The following WDR26 variants were observed in gnomAD, a reference collection of about 807,000 sequenced individuals.
WDR26 encodes WD repeat domain 26.
A neutral mutation model predicts 84.1 loss-of-function variants in WDR26; 5 were observed. That is an observed-to-expected ratio of 0.06 (90% CI 0.03 to 0.13). The LOEUF (loss-of-function observed/expected upper bound fraction) is 0.13, where lower values mean the gene tolerates loss of function less well. Ranked by LOEUF, WDR26 falls within the 10% of genes least tolerant of loss-of-function variation. WDR26 has a pLI of 1.00. For synonymous variants in WDR26, 415 were observed against 389.6 expected (o/e 1.07, Z -0.77); for missense variants, 642 against 974.9 (o/e 0.66, Z 4.55).
chr1:224,413,651 A>C (rs1291111596), intron 6 of WDR26, among the ~76,000 whole-genome samples: 1 of 152,182 alleles, frequency 6.6e-6, no homozygotes, highest in Non-Finnish European at 1.5e-5. Context: ...TAAAACTGAT[A>C]AGTAATTGTA....
chr1:224,407,452 C>G (rs1673613748), intron 7 of WDR26, among the ~76,000 whole-genome samples: 1 of 148,092 alleles, frequency 6.8e-6, no homozygotes. Flanking sequence ...ACTTTTTTCT[C>G]TCCATTAAAA....
chr1:224,421,457 G>A (rs1674059441), intron 4 of WDR26, among the ~76,000 whole-genome samples: 2 of 152,132 alleles, frequency 1.3e-5, no homozygotes, highest in Non-Finnish European at 2.9e-5. Flanking sequence ...GGGCGTGGTG[G>A]TGCATGCCTG....
chr1:224,417,465 G>A (rs1246819949), intron 6 of WDR26, among the ~76,000 whole-genome samples: 1 of 152,228 alleles, frequency 6.6e-6, no homozygotes, highest in African/African-American at 2.4e-5. Context: ...AGTGCTTTGG[G>A]AGGCCAAGGC....
chr1:224,402,729 C>G (rs1673451411), intron 8 of WDR26, among the ~76,000 whole-genome samples: 1 of 152,168 alleles, frequency 6.6e-6, no homozygotes, highest in Non-Finnish European at 1.5e-5. Flanking sequence ...CTAGGTCAGA[C>G]TCACTGCAAG....
chr1:224,396,890 A>G (rs1374005636), intron 12 of WDR26, among the ~76,000 whole-genome samples: 2 of 19,614 alleles, frequency 1.0e-4, no homozygotes, highest in Non-Finnish European at 2.0e-4. Flanking sequence ...ATTGCACTCA[A>G]AAAAAGAAAA....
chr1:224,410,694 C>CTTTTT (rs397983007), intron 7 of WDR26, among the ~76,000 whole-genome samples: 34 of 118,904 alleles, frequency 2.9e-4, no homozygotes, highest in African/African-American at 4.9e-4. Flanking sequence ...ATCTTTCTTT[C>CTTTTT]TTTTTTTTTT....
chr1:224,394,142 G>T, intron 12 of WDR26, 129 bp from the exon 13 acceptor site: 1 of 624,194 alleles, frequency 1.6e-6, no homozygotes, highest in Non-Finnish European at 2.4e-6. Flanking sequence ...ACCATGAATA[G>T]TTTAACATGT....
At position 224,431,585 on chromosome 1, in the gene WDR26, T is replaced by TA. The variant is rs1468123840; in HGVS notation, c.823-5dup. 1 of 1,612,498 alleles carries TA rather than the reference T, an allele frequency of 6.2e-7. No individual in the cohort carries two copies. Among genetic ancestry groups the TA allele is most frequent in the Middle Eastern group, 1.7e-4 (1 of 6,056 alleles). Reference sequence around the variant, plus strand: ...GTTCATTCAGGTCATTTTCTGCCTGTAAAAATTGGTATAAAAGAAAAACAG... The same window carrying TA: ...GTTCATTCAGGTCATTTTCTGCCTGTAAAAAATTGGTATAAAAGAAAAACAG... On this transcript the variant is annotated splice_region_variant and splice_polypyrimidine_tract_variant and intron_variant, in intron 2 of 13. Transcript: ENST00000414423.
chr1:224,434,165 G>C lies in WDR26; in HGVS notation c.241C>G (p.Pro81Ala), dbSNP rs545023241. 2 of 1,423,118 alleles carry C rather than the reference G, an allele frequency of 1.4e-6. No homozygotes were observed. Among genetic ancestry groups the C allele is most frequent in the Non-Finnish European group, 1.8e-6 (2 of 1,093,346 alleles). 88.2% of individuals were successfully genotyped at this position (1,423,118 alleles called of 1,614,324 possible). A position where few individuals can be genotyped will look rare whatever the true frequency, so the allele number is the denominator to read the frequency against. The change falls in exon 1 of 14, where the codon CCC (proline) becomes GCC (alanine). Residue 81 changes from proline to alanine, a missense_variant. Around this residue, in one of 2 missense-constraint regions of WDR26, gnomAD observed 291 missense variants for 302.1 expected, o/e 0.96. Coordinates refer to ENST00000414423, the MANE Select transcript of WDR26 (RefSeq NM_001379403.1). The stretch of plus-strand genomic sequence containing the variant: ...CGGTGGGGGACAGCAGCGGCGGCGG[G>C]AGGGGCAGCAGCCGGGGGAAGTCCC...
At chr1:224,411,105 T>G (rs1162255822) in intron 7 of WDR26, among the ~76,000 whole-genome samples, 1 of 152,214 alleles carries the variant, frequency 6.6e-6, no homozygotes, top group Non-Finnish European at 1.5e-5. Context: ...GTACTAGCTG[T>G]GAGAGTCAAA....
intron 12 of WDR26, among the ~76,000 whole-genome samples, chr1:224,395,268 T>G (rs1428364917): frequency 2.0e-5 from 3 of 152,190 alleles, no homozygotes; most frequent in Non-Finnish European, 4.4e-5. Context: ...TTTACTACTG[T>G]GACGAGATTA....
intron 12 of WDR26, among the ~76,000 whole-genome samples, chr1:224,394,711 G>A (rs1572157357): frequency 6.6e-6 from 1 of 152,008 alleles, no homozygotes; most frequent in Admixed American, 6.6e-5. Context: ...TAGCCACGAT[G>A]GTCTCCATCT....
chr1:224,398,875 C>G lies in WDR26; in HGVS notation c.1865+14G>C, dbSNP rs752322202. 3 of 1,612,588 alleles carry G rather than the reference C, an allele frequency of 1.9e-6. No homozygotes were observed. The highest frequency in any genetic ancestry group is 1.1e-5 in the South Asian group (1 of 90,834). ...TCAGGTAATTGTTGTTTAATGGAAA[C>G]AAAAAATAGTTACATGTTCCTATCT... On this transcript the variant is annotated intron_variant, in intron 10 of 13. Coordinates refer to ENST00000414423, the MANE Select transcript of WDR26 (RefSeq NM_001379403.1).
chr1:224,404,343 A>T, intron 8 of WDR26, 87 bp downstream of exon 8: 1 of 1,449,900 alleles, frequency 6.9e-7, no homozygotes, highest in Non-Finnish European at 9.2e-7. Context: ...GAATGGTTAT[A>T]TTATATAAAT....
rs373629373 is a variant in WDR26, at chr1:224,431,360, T to C, written c.927+117A>G. On this transcript the variant is annotated intron_variant, in intron 3 of 13. Coordinates refer to ENST00000414423, the MANE Select transcript of WDR26 (RefSeq NM_001379403.1). Reference sequence around the variant, plus strand: ...ATTATACTCATCCTAGTTTACAAATTATATGAAATTTAACTACTTTTAGGC... The same window carrying C: ...ATTATACTCATCCTAGTTTACAAATCATATGAAATTTAACTACTTTTAGGC... The C allele has an allele frequency of 1.2e-3, 981 of 813,338 alleles. 10 individuals carry two copies. The South Asian group carries it at 0.016, about 13-fold the overall frequency. 50.4% of individuals were successfully genotyped at this position (813,338 alleles called of 1,614,324 possible).
chr1:224,411,629 G>T, intron 6 of WDR26, 64 bp from the exon 7 acceptor site: 1 of 1,459,474 alleles, frequency 6.9e-7, no homozygotes, highest in Non-Finnish European at 9.1e-7. Context: ...AATAAAAAAG[G>T]TTAAATAACT....
chr1:224,409,922 T>C (rs1673687510), intron 7 of WDR26, among the ~76,000 whole-genome samples: 1 of 152,030 alleles, frequency 6.6e-6, no homozygotes, highest in South Asian at 2.1e-4. Context: ...TTTTTCTATT[T>C]TTCTCAACAC....
rs1174887786 is a variant in WDR26 at position 224,430,434 on chromosome 1, C to T, written c.927+1043G>A. The T allele has an allele frequency of 2.0e-5, 3 of 151,772 alleles. No individual in the cohort carries two copies. In the East Asian group the frequency reaches 5.8e-4, roughly 29 times the overall value. 9.4% of individuals were successfully genotyped at this position (151,772 alleles called of 1,614,324 possible). On this transcript the variant is annotated intron_variant, in intron 3 of 13. Coordinates refer to ENST00000414423, the MANE Select transcript of WDR26 (RefSeq NM_001379403.1). ...TTGCACCTTTAATTCACCTGAAGCC[C>T]ATTTCTCTAGGATTATATTATTGTG...
chr1:224,397,044 T>C (rs968893529), intron 12 of WDR26, among the ~76,000 whole-genome samples: 2 of 152,264 alleles, frequency 1.3e-5, no homozygotes, highest in African/African-American at 4.8e-5. Flanking sequence ...GATCCTCTTA[T>C]CTACCAAGAT....
Sources: gnomAD v4.1 joint callset for allele counts (sites outside exome capture counted in the v4.1 genomes callset) on GRCh38, gnomAD v4.1.1 for gene constraint, gnomAD v4.1.1 regional missense constraint, MANE v1.5 for transcripts, NCBI Gene and HGNC (gene_info 2026-07-23, HGNC 2026-07-21) for gene names.